The following CRYBG1 variants were observed in gnomAD, a reference collection of about 807,000 sequenced individuals.
The protein encoded by CRYBG1 is crystallin beta-gamma domain containing 1.
In CRYBG1, 139 loss-of-function variants were observed where a neutral mutation model predicts 189.2. That is an observed-to-expected ratio of 0.73 (90% CI 0.64 to 0.85). The LOEUF (loss-of-function observed/expected upper bound fraction) is 0.85, where lower values mean the gene tolerates loss of function less well. CRYBG1 is among the 40% of genes least tolerant of loss of function. The pLI is 0.00. For missense variants in CRYBG1, 2,611 were observed against 2,675.8 expected (o/e 0.98, Z 0.53); for synonymous variants, 1,023 against 1,017.1 (o/e 1.01, Z -0.11).
At position 106,511,699 on chromosome 6, in the gene CRYBG1, G is replaced by A; in HGVS notation, c.582G>A (p.Glu194=). 6.5e-7 allele frequency: 1 copy of A among 1,535,458 alleles called. No homozygotes were observed. Among genetic ancestry groups the A allele is most frequent in the East Asian group, 2.4e-5 (1 of 40,872 alleles). ...GSPRENPREA[E]GELPESGGPA... ...CGCGGGAGAATCCCCGAGAGGCAGA[G>A]GGCGAGCTCCCCGAGAGCGGTGGCC... Residue 194 remains glutamate, a synonymous_variant, in exon 3 of 22, where the codon GAG becomes GAA. Coordinates refer to ENST00000633556, the MANE Select transcript of CRYBG1 (RefSeq NM_001371242.2).
At chr6:106,516,678 G>T (rs183102475) in intron 3 of CRYBG1, among the ~76,000 whole-genome samples, 88 of 152,300 alleles carry the variant, frequency 5.8e-4, no homozygotes, top group Non-Finnish European at 1.1e-3. Flanking sequence ...GACTTTAAAT[G>T]ATAAAGATGG....
Position 106,520,630 on chromosome 6 carries a change from C to T in CRYBG1, c.3422C>T (p.Pro1141Leu). The change falls in exon 4 of 22, where the codon CCT becomes CTT. Residue 1141 changes from proline to leucine, a missense_variant. Transcript: ENST00000633556. Reference sequence around the variant, plus strand: ...TCTCCTGCTCCTCACTTTGCCATGCCTCCTATTCACGAAGACCATTTAGAA... The same window carrying T: ...TCTCCTGCTCCTCACTTTGCCATGCTTCCTATTCACGAAGACCATTTAGAA... ...PNSPAPHFAM[P>L]PIHEDHLEKV... The T allele has an allele frequency of 6.2e-7, 1 of 1,614,156 alleles. No homozygotes were observed.
At chr6:106,468,265 C>T (rs186182594) in intron 2 of CRYBG1, among the ~76,000 whole-genome samples, 88 of 152,086 alleles carry the variant, frequency 5.8e-4, no homozygotes, top group African/African-American at 2.0e-3. Flanking sequence ...CTGAGCTTTA[C>T]GTACAGGTTG....
At chr6:106,405,232 G>T (rs1751083253) in intron 1 of CRYBG1, among the ~76,000 whole-genome samples, 1 of 152,204 alleles carries the variant, frequency 6.6e-6, no homozygotes, top group South Asian at 2.1e-4. Context: ...GCATGAGTAG[G>T]CAGTTTTCCC....
At chr6:106,490,359 G>A (rs144258249) in intron 2 of CRYBG1, among the ~76,000 whole-genome samples, 1 of 152,200 alleles carries the variant, frequency 6.6e-6, no homozygotes, top group Non-Finnish European at 1.5e-5. Context: ...TTAGTTTAGG[G>A]GGGAGCAGTT....
At chr6:106,424,557 G>T (rs917563791) in intron 1 of CRYBG1, among the ~76,000 whole-genome samples, 5 of 151,992 alleles carry the variant, frequency 3.3e-5, no homozygotes, top group African/African-American at 1.2e-4. Context: ...CGCCTCCCAG[G>T]TTCAACTGAT....
chr6:106,399,397 A>G (rs1280450662), intron 1 of CRYBG1, among the ~76,000 whole-genome samples: 1 of 152,200 alleles, frequency 6.6e-6, no homozygotes, highest in African/African-American at 2.4e-5. Context: ...TCACTACTTT[A>G]TAACTTATTT....
At chr6:106,547,610 T>C (rs1167572332) in intron 13 of CRYBG1, among the ~76,000 whole-genome samples, 4 of 152,250 alleles carry the variant, frequency 2.6e-5, no homozygotes, top group Non-Finnish European at 5.9e-5. Flanking sequence ...AATGGCTTTA[T>C]TTTTATTGGC....
At position 106,521,380 on chromosome 6, in the gene CRYBG1, T is replaced by C; in HGVS notation, c.4172T>C (p.Phe1391Ser). 1 of 1,612,902 alleles carries C rather than the reference T, an allele frequency of 6.2e-7. No individual in the cohort carries two copies. Among genetic ancestry groups the C allele is most frequent in the Non-Finnish European group, 8.5e-7 (1 of 1,179,728 alleles). ...LPNCANSDTDFMGLFKSSRYD... is the reference protein window; with the variant it reads ...LPNCANSDTDSMGLFKSSRYD... ...AACTGTGCAAACAGTGACACCGACT[T>C]CATGGGTCTTTTCAAATCAAGCCGG... Residue 1391 changes from phenylalanine to serine, a missense_variant, in exon 4 of 22, where the codon TTC becomes TCC. Around this residue, in one of 3 missense-constraint regions of CRYBG1, gnomAD observed 1,622 missense variants for 1,735.0 expected, o/e 0.93. Transcript: ENST00000633556.
Position 106,491,086 on chromosome 6 carries a change from A to G in CRYBG1, c.313-20344A>G, listed in dbSNP as rs73515119. Among the ~76,000 whole-genome samples, 789 of 152,362 alleles carry G rather than the reference A, an allele frequency of 5.2e-3. 11 individuals are homozygous for G. Among genetic ancestry groups the G allele is most frequent in the African/African-American group, 0.018 (764 of 41,576 alleles). ...TATATTTATTTCATTCATTATGATA[A>G]CCACAAAGCATTACCCTTTTTTCAA... On this transcript the variant is annotated intron_variant, in intron 2 of 21. Transcript: ENST00000633556.
At chr6:106,523,692 A>G (rs1440020602) in intron 4 of CRYBG1, among the ~76,000 whole-genome samples, 1 of 149,646 alleles carries the variant, frequency 6.7e-6, no homozygotes, top group Non-Finnish European at 1.5e-5. Flanking sequence ...GGTATATACC[A>G]TCTGGCTTCT....
chr6:106,533,690 GGGTTT>G (rs1773924555), intron 8 of CRYBG1, among the ~76,000 whole-genome samples: 1 of 152,188 alleles, frequency 6.6e-6, no homozygotes, highest in South Asian at 2.1e-4. Flanking sequence ...GACATGCCCA[GGGTTT>G]GGAACCCCAA....
chr6:106,371,192 T>C (rs921694871), intron 1 of CRYBG1, among the ~76,000 whole-genome samples: 21 of 152,234 alleles, frequency 1.4e-4, no homozygotes, highest in Non-Finnish European at 4.4e-5. Flanking sequence ...TATAGTGTAT[T>C]CATAATTTGT....
chr6:106,525,984 A>C (rs1353558010), intron 6 of CRYBG1, among the ~76,000 whole-genome samples: 1 of 152,342 alleles, frequency 6.6e-6, no homozygotes, highest in Non-Finnish European at 1.5e-5. Flanking sequence ...GGTGAAAAAA[A>C]TAAATATTTT....
intron 2 of CRYBG1, among the ~76,000 whole-genome samples, chr6:106,509,393 C>T (rs1773198113): frequency 6.6e-6 from 1 of 152,058 alleles, no homozygotes; most frequent in Non-Finnish European, 1.5e-5. Context: ...TAATTTTTTC[C>T]CTTAAATCAT....
intron 1 of CRYBG1, among the ~76,000 whole-genome samples, chr6:106,450,121 G>T (rs541251732): frequency 1.2e-3 from 184 of 151,958 alleles, no homozygotes; most frequent in African/African-American, 4.2e-3. Flanking sequence ...CAGCTGCTGA[G>T]GCAGGAGCAT....
intron 1 of CRYBG1, among the ~76,000 whole-genome samples, chr6:106,365,797 G>T (rs1424919853): frequency 1.3e-5 from 2 of 151,738 alleles, no homozygotes; most frequent in African/African-American, 4.8e-5. Flanking sequence ...AGCAGTAGAT[G>T]GGTCTCATAA....
intron 2 of CRYBG1, among the ~76,000 whole-genome samples, chr6:106,499,948 C>T (rs191852181): frequency 4.0e-4 from 61 of 152,324 alleles, no homozygotes; most frequent in African/African-American, 1.5e-3. Context: ...GCTTATTTCA[C>T]TTAGCACAGT....
chr6:106,475,592 G>A (rs1342331772), intron 2 of CRYBG1, among the ~76,000 whole-genome samples: 2 of 152,202 alleles, frequency 1.3e-5, no homozygotes, highest in African/African-American at 4.8e-5. Flanking sequence ...TTTAGTTAGA[G>A]TGGACGGTCT....
Sources: gnomAD v4.1 joint callset for allele counts (sites outside exome capture counted in the v4.1 genomes callset) on GRCh38, gnomAD v4.1.1 for gene constraint, gnomAD v4.1.1 regional missense constraint, MANE v1.5 for transcripts, NCBI Gene and HGNC (gene_info 2026-07-23, HGNC 2026-07-21) for gene names.